Variants in CSMD1 observed in about 807,000 individuals in gnomAD.
CSMD1 encodes the protein CUB and sushi domain-containing protein 1.
CSMD1 carries 213 observed loss-of-function variants against 417.5 expected under a neutral mutation model. The observed-to-expected ratio is 0.51, with a 90% confidence interval of 0.46 to 0.57. The LOEUF (loss-of-function observed/expected upper bound fraction) is 0.57. Ranked by LOEUF, CSMD1 falls within the 20% of genes least tolerant of loss-of-function variation. The probability of loss-of-function intolerance (pLI) is 0.00; values close to 1 mark genes in which losing one functional copy is unlikely to be tolerated. For synonymous variants in CSMD1, 2,862 were observed against 1,736.8 expected (o/e 1.65, Z -16.11); for missense variants, 6,923 against 4,529.7 (o/e 1.53, Z -15.17).
At chr8:4,190,627 G>T (rs1295255658) in intron 3 of CSMD1, among the ~76,000 whole-genome samples, 1 of 151,380 alleles carries the variant, frequency 6.6e-6, no homozygotes, top group East Asian at 1.9e-4. Flanking sequence ...AGGGGTTAAA[G>T]AATAATATTA....
chr8:3,896,159 T>C (rs998693646), intron 5 of CSMD1, among the ~76,000 whole-genome samples: 1 of 152,180 alleles, frequency 6.6e-6, no homozygotes, highest in South Asian at 2.1e-4. Flanking sequence ...GTCAATGTAA[T>C]GATTAAGACA....
At chr8:3,378,743 A>G (rs567731724) in intron 18 of CSMD1, among the ~76,000 whole-genome samples, 29 of 152,306 alleles carry the variant, frequency 1.9e-4, no homozygotes, top group African/African-American at 6.5e-4. Context: ...GTGATGGAAC[A>G]TATCTCAAAA....
intron 2 of CSMD1, among the ~76,000 whole-genome samples, chr8:4,500,457 AC>A (rs1421252618): frequency 2.6e-5 from 4 of 152,192 alleles, no homozygotes; most frequent in African/African-American, 4.8e-5. Flanking sequence ...AAACTATTGA[AC>A]AAAACACCAG....
chr8:3,073,645 T>A (rs537254086), intron 49 of CSMD1, among the ~76,000 whole-genome samples: 12 of 152,286 alleles, frequency 7.9e-5, no homozygotes, highest in African/African-American at 2.6e-4. Flanking sequence ...TTTCAATTCA[T>A]AGACTATAAA....
intron 2 of CSMD1, among the ~76,000 whole-genome samples, chr8:4,560,883 C>G (rs1034354612): frequency 6.6e-6 from 1 of 152,214 alleles, no homozygotes; most frequent in African/African-American, 2.4e-5. Flanking sequence ...ACAGTGGTGT[C>G]TCTTCCTCCT....
chr8:4,768,977 C>T (rs1796468809), intron 1 of CSMD1, among the ~76,000 whole-genome samples: 1 of 152,100 alleles, frequency 6.6e-6, no homozygotes. Context: ...TGTGACTAAA[C>T]TGTTATTTCA....
intron 3 of CSMD1, among the ~76,000 whole-genome samples, chr8:4,374,961 T>TGGGTG (rs1554450668): frequency 0.06 from 1,131 of 18,828 alleles, 87 homozygotes; most frequent in African/African-American, 0.21. Context: ...AAAGGTGGGG[T>TGGGTG]GGGGGGGGGG....
Position 4,213,197 on chromosome 8 carries a change from A to G in CSMD1, c.416-181098T>C, listed in dbSNP as rs563663668. Among the ~76,000 whole-genome samples the G allele has an allele frequency of 1.4e-3, 209 of 152,268 alleles. 1 individual carries two copies. The highest frequency in any genetic ancestry group is 4.7e-3 in the African/African-American group (196 of 41,552). On this transcript the variant is annotated intron_variant, in intron 3 of 69. Transcript: ENST00000635120. ...AGAGACATAGTTGAGAATGTGAATC[A>G]TATTTCACTAATGGGTACTTGTTGT...
intron 3 of CSMD1, among the ~76,000 whole-genome samples, chr8:4,196,885 C>A (rs185068881): frequency 6.6e-6 from 1 of 152,170 alleles, no homozygotes; most frequent in Non-Finnish European, 1.5e-5. Context: ...AAAGTTCCGC[C>A]ATCTTCATTA....
At chr8:3,474,501 T>C (rs1817296215) in intron 11 of CSMD1, among the ~76,000 whole-genome samples, 1 of 152,192 alleles carries the variant, frequency 6.6e-6, no homozygotes, top group African/African-American at 2.4e-5. Context: ...GTAATCTTTC[T>C]TGTCTTCATT....
intron 6 of CSMD1, among the ~76,000 whole-genome samples, chr8:3,736,781 C>A (rs956091428): frequency 2.0e-5 from 3 of 152,204 alleles, no homozygotes; most frequent in African/African-American, 7.2e-5. Context: ...CTCAGATCCT[C>A]ATCTGCAAAG....
At chr8:3,268,823 G>A (rs1801627585) in intron 26 of CSMD1, among the ~76,000 whole-genome samples, 1 of 152,124 alleles carries the variant, frequency 6.6e-6, no homozygotes, top group Non-Finnish European at 1.5e-5. Flanking sequence ...GGGGGACAGT[G>A]GGGCCTGAAA....
At chr8:4,764,880 A>ACAAAACAAAAC (rs1277954890) in intron 1 of CSMD1, among the ~76,000 whole-genome samples, 1,401 of 50,762 alleles carry the variant, frequency 0.028, 42 homozygotes, top group African/African-American at 0.11. Flanking sequence ...CTCAAAAAAA[A>ACAAAACAAAAC]AAAAAAAAAA....
At chr8:3,980,277 T>C (rs558340532) in intron 5 of CSMD1, among the ~76,000 whole-genome samples, 1 of 152,334 alleles carries the variant, frequency 6.6e-6, no homozygotes, top group Admixed American at 6.5e-5. Context: ...ACTAGCATTG[T>C]ATCCGACCAC....
chr8:3,259,589 G>C (rs1476747543), intron 26 of CSMD1, among the ~76,000 whole-genome samples: 1 of 152,140 alleles, frequency 6.6e-6, no homozygotes, highest in African/African-American at 2.4e-5. Flanking sequence ...TGTTAAACAT[G>C]ATGTGTCTTT....
chr8:3,764,474 C>A (rs1459458751), intron 5 of CSMD1, among the ~76,000 whole-genome samples: 1 of 152,150 alleles, frequency 6.6e-6, no homozygotes, highest in Non-Finnish European at 1.5e-5. Context: ...TGAGTAGAGG[C>A]ACCCACAATC....
intron 40 of CSMD1, among the ~76,000 whole-genome samples, chr8:3,149,721 C>T (rs970721932): frequency 2.0e-5 from 3 of 152,140 alleles, no homozygotes; most frequent in Non-Finnish European, 2.9e-5. Context: ...TGCGATCCAC[C>T]GGCCTTCGCC....
At chr8:4,495,418 A>G (rs1163538648) in intron 2 of CSMD1, among the ~76,000 whole-genome samples, 1 of 152,082 alleles carries the variant, frequency 6.6e-6, no homozygotes, top group South Asian at 2.1e-4. Flanking sequence ...TACTAAAAAT[A>G]CAGAAAATTA....
intron 2 of CSMD1, among the ~76,000 whole-genome samples, chr8:4,589,059 G>A (rs913097631): frequency 1.3e-5 from 2 of 151,950 alleles, no homozygotes; most frequent in Non-Finnish European, 2.9e-5. Flanking sequence ...GTGTAATAGT[G>A]TAAAAATAGA....
Sources: gnomAD v4.1 joint callset for allele counts (sites outside exome capture counted in the v4.1 genomes callset) on GRCh38, gnomAD v4.1.1 for gene constraint, MANE v1.5 for transcripts, NCBI Gene and HGNC (gene_info 2026-07-23, HGNC 2026-07-21) for gene names.